Variants in CUBN observed in about 807,000 individuals in gnomAD.
CUBN encodes the protein cubilin.
A neutral mutation model predicts 405.3 loss-of-function variants in CUBN; 282 were observed. The observed-to-expected ratio is 0.70, with a 90% confidence interval of 0.63 to 0.77. The LOEUF (loss-of-function observed/expected upper bound fraction) is 0.77. Among genes scored for constraint, CUBN ranks in the 30% least tolerant of loss-of-function variants. The pLI, the probability that CUBN is intolerant of heterozygous loss-of-function variation, is 0.00. For missense variants in CUBN, 4,514 were observed against 4,475.2 expected (o/e 1.01, Z -0.25); for synonymous variants, 1,684 against 1,617.0 (o/e 1.04, Z -0.99).
intron 7 of CUBN, among the ~76,000 whole-genome samples, chr10:17,114,906 G>C (rs867148098): frequency 6.6e-6 from 1 of 152,184 alleles, no homozygotes; most frequent in African/African-American, 2.4e-5. Context: ...ACAAGGCCAA[G>C]AGAAGGTCTT....
chr10:17,054,343 A>AC (rs1005199418), intron 22 of CUBN, among the ~76,000 whole-genome samples: 8 of 151,508 alleles, frequency 5.3e-5, no homozygotes, highest in Non-Finnish European at 8.8e-5. Context: ...AAAAAAAAAA[A>AC]AAAACTGGGG....
intron 43 of CUBN, among the ~76,000 whole-genome samples, chr10:16,922,473 A>T (rs1239103334): frequency 3.3e-5 from 5 of 152,188 alleles, no homozygotes; most frequent in Non-Finnish European, 5.9e-5. Context: ...TTGCAGCTAC[A>T]TTAGTGTTTT....
chr10:17,062,297 A>G (rs1256616281), intron 22 of CUBN, among the ~76,000 whole-genome samples: 1 of 152,252 alleles, frequency 6.6e-6, no homozygotes, highest in Non-Finnish European at 1.5e-5. Flanking sequence ...GTTGAAAATG[A>G]ATCCGGTACA....
chr10:16,901,339 G>A lies in CUBN; in HGVS notation c.8183C>T (p.Thr2728Ile). 1.2e-6 allele frequency: 2 copies of A among 1,614,160 alleles called. No individual in the cohort carries two copies. Residue 2728 changes from threonine (T) to isoleucine (I), a missense_variant and splice_region_variant, in exon 52 of 67, where the codon ACT becomes ATT. Thr to Ile is a moderately conservative substitution (Grantham distance 89). Around this residue, in one of 5 missense-constraint regions of CUBN, gnomAD observed 1,186 missense variants for 1,186.9 expected, o/e 1.00. Coordinates refer to ENST00000377833, the MANE Select transcript of CUBN (RefSeq NM_001081.4). Reference sequence around the variant, plus strand: ...TTTCACCCAGTCATTAGCACTCACAGTGATGGTGTGCCCTTGTGGGGCCTC... The same window carrying A: ...TTTCACCCAGTCATTAGCACTCACAATGATGGTGTGCCCTTGTGGGGCCTC... The part of the protein sequence containing the change: ...LLEAPQGHTI[T>I]LTFSDFDIEP...
chr10:17,105,610 G>A (rs766172083), intron 10 of CUBN, 35 bp from the exon 11 acceptor site: 2 of 1,176,110 alleles, frequency 1.7e-6, no homozygotes, highest in Non-Finnish European at 2.6e-6. Flanking sequence ...GTAAATACAG[G>A]TCTCCTCCTC....
At chr10:16,973,487 T>C (rs1417901928) in intron 31 of CUBN, among the ~76,000 whole-genome samples, 1 of 152,184 alleles carries the variant, frequency 6.6e-6, no homozygotes, top group Admixed American at 6.5e-5. Flanking sequence ...TGACTTCTTT[T>C]TCTAAAAACC....
At chr10:16,971,188 C>T (rs3858185) in intron 31 of CUBN, among the ~76,000 whole-genome samples, 8,583 of 152,280 alleles carry the variant, frequency 0.056, 350 homozygotes, top group Non-Finnish European at 0.086. Context: ...GTCTAAGCAA[C>T]AGGACCAGGA....
intron 31 of CUBN, among the ~76,000 whole-genome samples, chr10:16,971,957 AC>A (rs199634596): frequency 0.017 from 2,506 of 150,162 alleles, 33 homozygotes; most frequent in Non-Finnish European, 0.028. Context: ...TTCCACCACC[AC>A]CCGCCACAAT....
chr10:16,977,560 A>G (rs61841503), intron 31 of CUBN, among the ~76,000 whole-genome samples: 17,883 of 152,100 alleles, frequency 0.12, 1,251 homozygotes, highest in Non-Finnish European at 0.16. Context: ...AGCTGTCTCC[A>G]TCATCCAGTA....
intron 17 of CUBN, among the ~76,000 whole-genome samples, chr10:17,073,757 T>A (rs1220889081): frequency 6.6e-6 from 1 of 152,158 alleles, no homozygotes; most frequent in Non-Finnish European, 1.5e-5. Flanking sequence ...AATAGCCAGC[T>A]CTTATAGTAT....
At chr10:17,061,256 A>G (rs900470783) in intron 22 of CUBN, among the ~76,000 whole-genome samples, 7 of 152,180 alleles carry the variant, frequency 4.6e-5, no homozygotes, top group African/African-American at 1.7e-4. Context: ...TTGTAATTCT[A>G]CAGCAATTCA....
intron 60 of CUBN, among the ~76,000 whole-genome samples, chr10:16,843,643 C>T (rs1839425671): frequency 6.6e-6 from 1 of 152,104 alleles, no homozygotes; most frequent in Non-Finnish European, 1.5e-5. Flanking sequence ...TTTATGATCA[C>T]ATTTATATTA....
At chr10:16,933,000 T>C (rs1190915239) in intron 40 of CUBN, 87 bp downstream of exon 40, 1 of 1,369,672 alleles carries the variant, frequency 7.3e-7, no homozygotes, top group Non-Finnish European at 1.0e-6. Flanking sequence ...ACCAAACGGA[T>C]GGAGGCAGTA....
At chr10:16,861,678 G>C (rs775627326) in intron 59 of CUBN, among the ~76,000 whole-genome samples, 4 of 152,010 alleles carry the variant, frequency 2.6e-5, no homozygotes, top group African/African-American at 4.8e-5. Flanking sequence ...AACTGAGTTT[G>C]AATCTGGGAT....
intron 17 of CUBN, among the ~76,000 whole-genome samples, chr10:17,079,009 A>G (rs922591915): frequency 5.3e-5 from 8 of 152,058 alleles, no homozygotes; most frequent in African/African-American, 1.4e-4. Flanking sequence ...CACAACTCCA[A>G]ATTAGGTGTT....
intron 6 of CUBN, among the ~76,000 whole-genome samples, chr10:17,119,584 C>T (rs764214376): frequency 7.2e-5 from 11 of 152,098 alleles, no homozygotes; most frequent in Non-Finnish European, 1.6e-4. Flanking sequence ...TGCTTGTACC[C>T]AGGATGCAGA....
Position 16,905,024 on chromosome 10 carries a change from C to T in CUBN, c.7913-909G>A, listed in dbSNP as rs562610132. On this transcript the variant is annotated intron_variant, in intron 50 of 66. Coordinates refer to ENST00000377833, the MANE Select transcript of CUBN (RefSeq NM_001081.4). ...AAATTCTCCTTCCTGAAAATTCTGT[C>T]GCTCACGTTCTCAAAGGTAATTAAC... 7.2e-5 allele frequency among the ~76,000 whole-genome samples: 11 copies of T among 152,266 alleles called. No individual in the cohort carries two copies. The South Asian group carries it at 1.5e-3, about 20-fold the overall frequency.
intron 36 of CUBN, among the ~76,000 whole-genome samples, chr10:16,940,542 G>A (rs1353909622): frequency 6.6e-6 from 1 of 152,196 alleles, no homozygotes; most frequent in Non-Finnish European, 1.5e-5. Context: ...GAGTTATAAA[G>A]TGGCGTTTAA....
At chr10:16,862,156 TCTCTCA>T (rs992896270) in intron 59 of CUBN, among the ~76,000 whole-genome samples, 9 of 92,722 alleles carry the variant, frequency 9.7e-5, no homozygotes, top group African/African-American at 6.2e-4. Flanking sequence ...TCTCTCTCTC[TCTCTCA>T]CACACACACA....
Sources: allele counts gnomAD v4.1 joint callset (sites outside exome capture counted in the v4.1 genomes callset), GRCh38; gene constraint gnomAD v4.1.1; regional missense constraint gnomAD v4.1.1; transcripts MANE v1.5; gene names NCBI Gene and HGNC (gene_info 2026-07-23, HGNC 2026-07-21).